TMEM123: variants seen among roughly 807,000 people sequenced by gnomAD.
TMEM123 encodes the protein transmembrane protein 123.
Under a neutral mutation model 19.7 loss-of-function variants are expected in TMEM123, and 16 were observed. That is an observed-to-expected ratio of 0.81 (90% CI 0.55 to 1.23). The LOEUF is 1.23. Among genes scored for constraint, TMEM123 ranks in the 50% most tolerant of loss-of-function variants. The probability of loss-of-function intolerance (pLI) is 0.00; values close to 1 mark genes in which losing one functional copy is unlikely to be tolerated. For synonymous variants in TMEM123, 118 were observed against 99.4 expected, an observed-to-expected ratio of 1.19 and a Z score of -1.12; for missense variants, 313 against 257.8, an observed-to-expected ratio of 1.21 and a Z score of -1.47.
At chr11:102,429,451 G>A (rs977529740) in intron 2 of TMEM123, among the ~76,000 whole-genome samples, 1 of 152,074 alleles carries the variant, frequency 6.6e-6, no homozygotes, top group Non-Finnish European at 1.5e-5. Flanking sequence ...CTACTGAAAG[G>A]CAAGTTTTGG....
At chr11:102,426,193 CT>C (rs1952124907) in intron 2 of TMEM123, among the ~76,000 whole-genome samples, 1 of 152,190 alleles carries the variant, frequency 6.6e-6, no homozygotes, top group Admixed American at 6.5e-5. Context: ...GGCAGCTTTG[CT>C]TTTGAGTCTA....
intron 2 of TMEM123, among the ~76,000 whole-genome samples, chr11:102,427,018 T>C (rs1449947512): frequency 6.6e-6 from 1 of 151,818 alleles, no homozygotes; most frequent in Admixed American, 6.6e-5. Context: ...TTACTGTCTA[T>C]TACAGGAGAG....
intron 2 of TMEM123, among the ~76,000 whole-genome samples, chr11:102,420,578 A>G (rs1230161596): frequency 6.6e-6 from 1 of 152,232 alleles, no homozygotes; most frequent in Non-Finnish European, 1.5e-5. Flanking sequence ...GCCTAGGGTC[A>G]CAAACTAGTA....
At chr11:102,443,413 T>C (rs989603767) in intron 2 of TMEM123, among the ~76,000 whole-genome samples, 3 of 152,198 alleles carry the variant, frequency 2.0e-5, no homozygotes, top group African/African-American at 7.2e-5. Context: ...CCATCTGATC[T>C]TTGACAAACC....
intron 2 of TMEM123, among the ~76,000 whole-genome samples, chr11:102,406,740 G>C (rs549693206): frequency 1.3e-5 from 2 of 151,982 alleles, no homozygotes; most frequent in South Asian, 4.2e-4. Context: ...GCATGGTGGC[G>C]GGCGCCTGTA....
Position 102,448,853 on chromosome 11 carries a change from T to A in TMEM123, c.116A>T (p.Glu39Val). 2 of 1,613,850 alleles carry A rather than the reference T, an allele frequency of 1.2e-6. No homozygotes were observed. Among genetic ancestry groups the A allele is most frequent in the Non-Finnish European group, 1.7e-6 (2 of 1,179,788 alleles). Reference sequence around the variant, plus strand: ...GGAGTTGTGTGGAAGCCCAGAATTCTCTATGTTTGCAGATGCTGTAAAAAT... The same window carrying A: ...GGAGTTGTGTGGAAGCCCAGAATTCACTATGTTTGCAGATGCTGTAAAAAT... ...SAAMAASANI[E>V]NSGLPHNSSA... The change falls in exon 2 of 5, where the codon GAG becomes GTG. Residue 39 changes from glutamate (E) to valine (V), a missense_variant. By Grantham distance (121) the Glu-to-Val change is moderately radical (BLOSUM62 -2). Transcript: ENST00000398136.
intron 2 of TMEM123, among the ~76,000 whole-genome samples, chr11:102,421,017 G>A (rs531232170): frequency 1.3e-5 from 2 of 152,150 alleles, no homozygotes; most frequent in African/African-American, 2.4e-5. Flanking sequence ...ACTGCACTCC[G>A]GCCTGGGTGA....
At position 102,398,750 on chromosome 11, in the gene TMEM123, T is replaced by C; in HGVS notation, c.*117A>G. The stretch of plus-strand genomic sequence containing the variant: ...TTTACGTAATACACTGTACATTATA[T>C]GCATGGCCTGTTTATACTATTTTCA... On this transcript the variant is annotated 3_prime_UTR_variant, in exon 5 of 5. Coordinates refer to ENST00000398136, the MANE Select transcript of TMEM123 (RefSeq NM_052932.3). 1 of 1,004,734 alleles carries C rather than the reference T, an allele frequency of 1.0e-6. No individual in the cohort carries two copies. Among genetic ancestry groups the C allele is most frequent in the Non-Finnish European group, 1.5e-6 (1 of 654,606 alleles). The allele number at this position is 1,004,734 out of a possible 1,614,324, so 62.2% of individuals were successfully genotyped here. A position where few individuals can be genotyped will look rare whatever the true frequency, so the allele number is the denominator to read the frequency against.
intron 2 of TMEM123, among the ~76,000 whole-genome samples, chr11:102,426,578 C>T (rs928251513): frequency 6.6e-5 from 10 of 151,778 alleles, no homozygotes; most frequent in Admixed American, 2.0e-4. Context: ...AAAGATTTTA[C>T]AAACAAAACA....
At chr11:102,444,978 T>C (rs1005514995) in intron 2 of TMEM123, among the ~76,000 whole-genome samples, 3 of 150,700 alleles carry the variant, frequency 2.0e-5, no homozygotes, top group Non-Finnish European at 2.9e-5. Context: ...AAGAGAACAC[T>C]TGGACACAGG....
intron 2 of TMEM123, among the ~76,000 whole-genome samples, chr11:102,442,597 T>C (rs1857838910): frequency 6.6e-6 from 1 of 152,206 alleles, no homozygotes; most frequent in South Asian, 2.1e-4. Flanking sequence ...TCATACTGAA[T>C]GGGCAAAAAC....
At position 102,433,316 on chromosome 11, in the gene TMEM123, C is replaced by T. The variant is rs370375334; in HGVS notation, c.157+15496G>A. Reference sequence around the variant, plus strand: ...GGACATGGGAGCCCACCTCTTGCATCAGCACGATCTGGATATGAGACAGAG... The same window carrying T: ...GGACATGGGAGCCCACCTCTTGCATTAGCACGATCTGGATATGAGACAGAG... On this transcript the variant is annotated intron_variant, in intron 2 of 4. Coordinates refer to ENST00000398136, the MANE Select transcript of TMEM123 (RefSeq NM_052932.3). 4.5e-4 allele frequency among the ~76,000 whole-genome samples: 69 copies of T among 152,088 alleles called. 2 individuals carry two copies. Among genetic ancestry groups the T allele is most frequent in the South Asian group, 2.7e-3 (13 of 4,824 alleles).
In TMEM123 at chr11:102,398,606, A is replaced by AAGAT. The variant is rs1214502955; in HGVS notation, c.*257_*260dup. 4.0e-6 allele frequency: 2 copies of AAGAT among 497,382 alleles called. No individual in the cohort carries two copies. Among genetic ancestry groups the AAGAT allele is most frequent in the South Asian group, 3.6e-5 (1 of 27,500 alleles). The allele number at this position is 497,382 out of a possible 1,614,324, so 30.8% of individuals were successfully genotyped here. A position where few individuals can be genotyped will look rare whatever the true frequency, so the allele number is the denominator to read the frequency against. On this transcript the variant is annotated 3_prime_UTR_variant, in exon 5 of 5. Coordinates refer to ENST00000398136, the MANE Select transcript of TMEM123 (RefSeq NM_052932.3). ...TGCCCCCACCCCAGCCAAAAAAAAA[A>AAGAT]AGATAGGACTTGTTTGTCTTACTAT...
chr11:102,427,908 C>CA (rs1051897874), intron 2 of TMEM123, among the ~76,000 whole-genome samples: 3 of 151,370 alleles, frequency 2.0e-5, no homozygotes, highest in African/African-American at 7.3e-5. Flanking sequence ...TTTAGGAAGA[C>CA]AAAGAATATT....
At chr11:102,425,406 C>A (rs1248014499) in intron 2 of TMEM123, among the ~76,000 whole-genome samples, 4 of 151,980 alleles carry the variant, frequency 2.6e-5, no homozygotes, top group African/African-American at 4.8e-5. Flanking sequence ...TGGCTTGGAC[C>A]TTCTTTTGAG....
At chr11:102,426,951 AAGTTCTAT>A (rs1320842895) in intron 2 of TMEM123, among the ~76,000 whole-genome samples, 2 of 133,062 alleles carry the variant, frequency 1.5e-5, no homozygotes, top group South Asian at 4.8e-4. Flanking sequence ...CAGTTATTTG[AAGTTCTAT>A]AGTTGGGATA....
At position 102,425,741 on chromosome 11, in the gene TMEM123, A is replaced by T. The variant is rs576437319; in HGVS notation, c.157+23071T>A. ...TGAGGCTACAGGCATGTGCCACCAC[A>T]CCTAGCTAATTTTTGTATTTTTTGT... On this transcript the variant is annotated intron_variant, in intron 2 of 4. Transcript: ENST00000398136. 2.6e-5 allele frequency among the ~76,000 whole-genome samples: 4 copies of T among 151,518 alleles called. No homozygotes were observed. The East Asian group carries it at 7.8e-4, about 29-fold the overall frequency.
At chr11:102,417,137 G>C (rs899469891) in intron 2 of TMEM123, among the ~76,000 whole-genome samples, 4 of 152,094 alleles carry the variant, frequency 2.6e-5, no homozygotes, top group Non-Finnish European at 5.9e-5. Flanking sequence ...GGAAGTCCTA[G>C]GCAGTCAGAC....
intron 2 of TMEM123, among the ~76,000 whole-genome samples, chr11:102,418,446 A>G (rs188048467): frequency 3.0e-4 from 46 of 152,362 alleles, no homozygotes; most frequent in African/African-American, 9.4e-4. Context: ...TATTAGAGAA[A>G]TGCAAATCAA....
Sources: gnomAD v4.1 joint callset for allele counts (sites outside exome capture counted in the v4.1 genomes callset) on GRCh38, gnomAD v4.1.1 for gene constraint, MANE v1.5 for transcripts, NCBI Gene and HGNC (gene_info 2026-07-23, HGNC 2026-07-21) for gene names.